Variants in NNT observed in about 807,000 individuals in gnomAD.
NNT encodes the protein nicotinamide nucleotide transhydrogenase.
Under a neutral mutation model 104.8 loss-of-function variants are expected in NNT, and 50 were observed. The observed-to-expected ratio is 0.48, with a 90% CI of 0.38 to 0.60. The LOEUF (loss-of-function observed/expected upper bound fraction) is 0.60, where lower values mean the gene tolerates loss of function less well. Ranked by LOEUF, NNT falls within the 20% of genes least tolerant of loss-of-function variation. NNT has a pLI of 0.00. For missense variants in NNT, 1,131 were observed against 1,330.7 expected, an observed-to-expected ratio of 0.85 and a Z score of 2.33; for synonymous variants, 461 against 490.4, an observed-to-expected ratio of 0.94 and a Z score of 0.79.
intron 1 of NNT, among the ~76,000 whole-genome samples, chr5:43,607,098 A>C (rs1029180714): frequency 3.3e-5 from 5 of 151,782 alleles, no homozygotes; most frequent in Non-Finnish European, 1.5e-5. Flanking sequence ...TTGCCTCCCA[A>C]GTTCAAGCGA....
chr5:43,674,006 C>T (rs1741272322), intron 17 of NNT, among the ~76,000 whole-genome samples: 1 of 145,204 alleles, frequency 6.9e-6, no homozygotes, highest in African/African-American at 2.5e-5. Flanking sequence ...GGTGACAGAG[C>T]AAGACTCCAT....
chr5:43,669,698 G>C (rs1740938224), intron 17 of NNT, among the ~76,000 whole-genome samples: 1 of 152,068 alleles, frequency 6.6e-6, no homozygotes, highest in South Asian at 2.1e-4. Context: ...TTTTATTGAG[G>C]ATTTTTGCAT....
At chr5:43,670,091 G>A (rs1199613242) in intron 17 of NNT, among the ~76,000 whole-genome samples, 9 of 152,264 alleles carry the variant, frequency 5.9e-5, no homozygotes, top group Admixed American at 3.3e-4. Flanking sequence ...AGTATTCTCT[G>A]ATGGTAGTTT....
At chr5:43,671,350 CGTTA>C (rs1339050631) in intron 17 of NNT, among the ~76,000 whole-genome samples, 3 of 152,112 alleles carry the variant, frequency 2.0e-5, no homozygotes, top group Non-Finnish European at 4.4e-5. Context: ...TTATTTTGCT[CGTTA>C]GTTGATGCAG....
At chr5:43,700,356 T>A in intron 20 of NNT, 119 bp downstream of exon 20, 1 of 626,702 alleles carries the variant, frequency 1.6e-6, no homozygotes, top group Non-Finnish European at 2.8e-6. Context: ...AAAGAACTTG[T>A]ACATGGTAGA....
At chr5:43,623,469 A>G (rs1003552089) in intron 5 of NNT, among the ~76,000 whole-genome samples, 2 of 152,168 alleles carry the variant, frequency 1.3e-5, no homozygotes, top group Non-Finnish European at 2.9e-5. Context: ...ATTGCTTCAG[A>G]CTTACGGAGA....
chr5:43,638,659 G>GT (rs1211253864), intron 7 of NNT, among the ~76,000 whole-genome samples: 40 of 134,274 alleles, frequency 3.0e-4, no homozygotes, highest in East Asian at 1.8e-3. Context: ...AAAGCAGAAA[G>GT]TTTTGTTTTT....
chr5:43,630,021 T>C (rs1302276012), intron 7 of NNT, among the ~76,000 whole-genome samples: 2 of 152,226 alleles, frequency 1.3e-5, no homozygotes, highest in African/African-American at 2.4e-5. Flanking sequence ...ATTTGCTTTC[T>C]GGTTCTTGGT....
chr5:43,698,780 A>G (rs1452372508), intron 19 of NNT, among the ~76,000 whole-genome samples: 2 of 151,926 alleles, frequency 1.3e-5, no homozygotes, highest in Middle Eastern at 6.3e-3. Flanking sequence ...GACTTACTGT[A>G]TATGAATGAA....
chr5:43,700,992 A>G (rs955405922), intron 20 of NNT, among the ~76,000 whole-genome samples: 3 of 152,228 alleles, frequency 2.0e-5, no homozygotes, highest in Non-Finnish European at 2.9e-5. Flanking sequence ...GTCCCTTTTC[A>G]GATTCCACTG....
At chr5:43,673,197 C>T (rs1178604492) in intron 17 of NNT, among the ~76,000 whole-genome samples, 1 of 152,214 alleles carries the variant, frequency 6.6e-6, no homozygotes, top group Non-Finnish European at 1.5e-5. Context: ...CTTCCCTTGG[C>T]TAGGAAAGGG....
rs371382877 is a variant in NNT, at chr5:43,635,352, A to G, written c.964+6965A>G. Among the ~76,000 whole-genome samples, 15 of 152,126 alleles carry G rather than the reference A, an allele frequency of 9.9e-5. No homozygotes were observed. The East Asian group carries it at 1.7e-3, about 18-fold the overall frequency. On this transcript the variant is annotated intron_variant, in intron 7 of 21. Coordinates refer to ENST00000344920, the MANE Select transcript of NNT (RefSeq NM_182977.3). ...TGAAGGTTGCTCTGGGACTGTCTCT[A>G]TTTAAGCCAGCTATAGGGAAAGTGG...
intron 19 of NNT, among the ~76,000 whole-genome samples, chr5:43,694,634 T>C (rs1013863503): frequency 2.0e-5 from 3 of 152,184 alleles, no homozygotes; most frequent in Non-Finnish European, 4.4e-5. Context: ...TGAAGCCTAC[T>C]TGATTGTGGT....
At chr5:43,653,278 C>T in intron 14 of NNT, 65 bp downstream of exon 14, 1 of 1,376,164 alleles carries the variant, frequency 7.3e-7, no homozygotes, top group Non-Finnish European at 9.8e-7. Flanking sequence ...TTCTAAGGTC[C>T]ATATTGATGA....
At chr5:43,649,585 T>C (rs553888269) in intron 11 of NNT, among the ~76,000 whole-genome samples, 1 of 152,142 alleles carries the variant, frequency 6.6e-6, no homozygotes, top group Non-Finnish European at 1.5e-5. Flanking sequence ...TCCTTTTTTT[T>C]TTTTTTTAAA....
chr5:43,670,769 G>T (rs1298269766), intron 17 of NNT, among the ~76,000 whole-genome samples: 1 of 152,324 alleles, frequency 6.6e-6, no homozygotes, highest in East Asian at 1.9e-4. Flanking sequence ...TTGATTTGGG[G>T]TGGAGACATT....
chr5:43,622,179 T>C (rs563955574), intron 5 of NNT, among the ~76,000 whole-genome samples: 28 of 152,290 alleles, frequency 1.8e-4, no homozygotes, highest in African/African-American at 6.7e-4. Context: ...AAGGATTTTA[T>C]CTGGATTAGG....
At chr5:43,619,703 A>G (rs1749970507) in intron 5 of NNT, among the ~76,000 whole-genome samples, 1 of 152,228 alleles carries the variant, frequency 6.6e-6, no homozygotes, top group African/African-American at 2.4e-5. Flanking sequence ...ACACTCAGTA[A>G]CAATGGAAAC....
chr5:43,653,605 C>T lies in NNT; in HGVS notation c.2059+392C>T, dbSNP rs796338073. 7 of 153,142 alleles carry T rather than the reference C, an allele frequency of 4.6e-5. 1 individual carries two copies. Among genetic ancestry groups the T allele is most frequent in the African/African-American group, 1.7e-4 (7 of 40,992 alleles). The allele number at this position is 153,142 out of a possible 1,614,324, so 9.5% of individuals were successfully genotyped here. On this transcript the variant is annotated intron_variant, in intron 14 of 21. Coordinates refer to ENST00000344920, the MANE Select transcript of NNT (RefSeq NM_182977.3). ...GAAAAAAAAAAAAAAAAACATGTGC[C>T]AGCAGAAAAACTACTGTTTTAATTT...
Sources: gnomAD v4.1 joint callset for allele counts (sites outside exome capture counted in the v4.1 genomes callset) on GRCh38, gnomAD v4.1.1 for gene constraint, MANE v1.5 for transcripts, NCBI Gene and HGNC (gene_info 2026-07-23, HGNC 2026-07-21) for gene names.